PALM2AKAP2: variants seen among roughly 807,000 people sequenced by gnomAD.
PALM2AKAP2 encodes PALM2-AKAP2 fusion protein.
Under a neutral mutation model 71.5 loss-of-function variants are expected in PALM2AKAP2, and 37 were observed. The observed-to-expected ratio is 0.52, with a 90% CI of 0.40 to 0.68. The LOEUF is 0.68. Among genes scored for constraint, PALM2AKAP2 ranks in the 30% least tolerant of loss-of-function variants. PALM2AKAP2 has a pLI of 0.00. For synonymous variants in PALM2AKAP2, 468 were observed against 478.8 expected (o/e 0.98, Z 0.29); for missense variants, 1,224 against 1,191.8 (o/e 1.03, Z -0.40).
chr9:109,767,926 G>T (rs1829181213), intron 1 of PALM2AKAP2, among the ~76,000 whole-genome samples: 1 of 152,246 alleles, frequency 6.6e-6, no homozygotes, highest in African/African-American at 2.4e-5. Context: ...AGGAGGGAAG[G>T]TGGGATGGAA....
chr9:110,097,845 T>C (rs552321552), intron 1 of PALM2AKAP2, among the ~76,000 whole-genome samples: 1,387 of 116,798 alleles, frequency 0.012, 44 homozygotes, highest in African/African-American at 0.028. Flanking sequence ...GCTGAGATCA[T>C]GCCACTGCAC....
chr9:109,910,857 G>C (rs968766940), intron 3 of PALM2AKAP2, among the ~76,000 whole-genome samples: 2 of 152,220 alleles, frequency 1.3e-5, no homozygotes, highest in Non-Finnish European at 2.9e-5. Context: ...TGTTGAGGCA[G>C]TAAGAGATGA....
chr9:109,654,084 A>G (rs1827262389), intron 1 of PALM2AKAP2, among the ~76,000 whole-genome samples: 1 of 152,240 alleles, frequency 6.6e-6, no homozygotes, highest in Non-Finnish European at 1.5e-5. Flanking sequence ...GGTCATAAAT[A>G]ATTTATATCC....
At chr9:109,752,765 G>A (rs564578830) in intron 1 of PALM2AKAP2, among the ~76,000 whole-genome samples, 18 of 152,216 alleles carry the variant, frequency 1.2e-4, no homozygotes, top group South Asian at 8.3e-4. Flanking sequence ...CATTTTGAAA[G>A]GATTACTCTG....
chr9:109,821,356 A>AAAT (rs963299992), intron 1 of PALM2AKAP2, among the ~76,000 whole-genome samples: 19 of 152,288 alleles, frequency 1.2e-4, no homozygotes, highest in Admixed American at 1.0e-3. Context: ...AACAACAACA[A>AAAT]AATAATAATA....
intron 6 of PALM2AKAP2, among the ~76,000 whole-genome samples, chr9:109,997,839 C>T (rs893612261): frequency 2.0e-5 from 3 of 152,198 alleles, no homozygotes; most frequent in South Asian, 2.1e-4. Context: ...CCTTCAAACC[C>T]GGGGCAGAGC....
chr9:109,777,543 G>C (rs1457828993), upstream of PALM2AKAP2, among the ~76,000 whole-genome samples: 1 of 152,158 alleles, frequency 6.6e-6, no homozygotes, highest in Admixed American at 6.5e-5. Flanking sequence ...ACTCATGGTT[G>C]CTTCTCTGAT....
At chr9:109,724,587 G>A (rs1828449510) in intron 1 of PALM2AKAP2, among the ~76,000 whole-genome samples, 1 of 152,214 alleles carries the variant, frequency 6.6e-6, no homozygotes, top group Non-Finnish European at 1.5e-5. Context: ...TGTATAGTTA[G>A]CAGTGGTGAT....
chr9:109,924,289 C>A (rs1049160608), intron 4 of PALM2AKAP2, among the ~76,000 whole-genome samples: 1 of 152,134 alleles, frequency 6.6e-6, no homozygotes, highest in African/African-American at 2.4e-5. Flanking sequence ...ATTCCAAATA[C>A]AAAGAGTGTA....
At chr9:110,138,265 C>T (rs771598917) in exon 2 of PALM2AKAP2, 50 of 1,614,062 alleles carry the variant, frequency 3.1e-5, no homozygotes, top group Middle Eastern at 3.3e-4. Context: ...AGACCAGGCC[C>T]GAAGGAAGCT....
chr9:110,088,248 T>C (rs1471748991), intron 1 of PALM2AKAP2, among the ~76,000 whole-genome samples: 1 of 148,948 alleles, frequency 6.7e-6, no homozygotes, highest in Non-Finnish European at 1.5e-5. Flanking sequence ...CCCTATGTAA[T>C]GAAGTAGTGG....
At chr9:110,039,285 T>C (rs1378245062) in intron 7 of PALM2AKAP2, among the ~76,000 whole-genome samples, 4 of 152,198 alleles carry the variant, frequency 2.6e-5, no homozygotes, top group Non-Finnish European at 4.4e-5. Flanking sequence ...ATTCATAATA[T>C]ACAATCTATC....
chr9:110,019,107 C>T (rs746224833), intron 7 of PALM2AKAP2, among the ~76,000 whole-genome samples: 2 of 151,702 alleles, frequency 1.3e-5, no homozygotes, highest in Admixed American at 1.3e-4. Context: ...GGTGTGATGG[C>T]GCGTGCCTGT....
intron 1 of PALM2AKAP2, among the ~76,000 whole-genome samples, chr9:109,700,312 G>A (rs1301917090): frequency 6.6e-6 from 1 of 152,026 alleles, no homozygotes; most frequent in Non-Finnish European, 1.5e-5. Context: ...AAGATCTGAT[G>A]GTTTTATAAA....
chr9:109,728,536 C>A (rs1307055095), intron 1 of PALM2AKAP2, among the ~76,000 whole-genome samples: 1 of 152,200 alleles, frequency 6.6e-6, no homozygotes, highest in African/African-American at 2.4e-5. Flanking sequence ...CAGCTCTATC[C>A]CTGCACACTG....
At chr9:109,731,021 T>A (rs2118659300) in intron 1 of PALM2AKAP2, among the ~76,000 whole-genome samples, 1 of 152,336 alleles carries the variant, frequency 6.6e-6, no homozygotes, top group African/African-American at 2.4e-5. Context: ...GACTGTCAAA[T>A]GCTAACCAAC....
intron 1 of PALM2AKAP2, among the ~76,000 whole-genome samples, chr9:109,655,041 G>A (rs1157491754): frequency 6.6e-6 from 1 of 152,132 alleles, no homozygotes; most frequent in Non-Finnish European, 1.5e-5. Context: ...TGTAATCCCA[G>A]CACTTTGGGA....
intron 1 of PALM2AKAP2, among the ~76,000 whole-genome samples, chr9:110,049,323 G>T (rs7043272): frequency 0.028 from 4,208 of 152,242 alleles, 189 homozygotes; most frequent in African/African-American, 0.092. Flanking sequence ...TGGCAGAGCC[G>T]GGGGCATTTT....
At chr9:109,868,616 C>G (rs1351508013) in intron 2 of PALM2AKAP2, among the ~76,000 whole-genome samples, 3 of 152,010 alleles carry the variant, frequency 2.0e-5, no homozygotes, top group Non-Finnish European at 1.5e-5. Context: ...AAATGAATAC[C>G]CAAAATGAGA....
Sources: gnomAD v4.1 joint callset for allele counts (sites outside exome capture counted in the v4.1 genomes callset) on GRCh38, gnomAD v4.1.1 for gene constraint, MANE v1.5 for transcripts, NCBI Gene and HGNC (gene_info 2026-07-23, HGNC 2026-07-21) for gene names.